The following NEGR1 variants were observed in gnomAD, a reference collection of about 807,000 sequenced individuals.
NEGR1 encodes the protein IgLON family member 4.
In NEGR1, 10 loss-of-function variants were observed where a neutral mutation model predicts 40.9. The ratio of observed to expected loss-of-function variants is 0.24; its 90% confidence interval spans 0.15 to 0.42. The LOEUF is 0.42. Ranked by LOEUF, NEGR1 falls within the 10% of genes least tolerant of loss-of-function variation. The pLI, the probability that NEGR1 is intolerant of heterozygous loss-of-function variation, is 1.00. For missense variants in NEGR1, 352 were observed against 438.9 expected (o/e 0.80, Z 1.77); for synonymous variants, 185 against 166.8 (o/e 1.11, Z -0.84).
chr1:72,143,924 TATA>T (rs1650800670), intron 1 of NEGR1, among the ~76,000 whole-genome samples: 1 of 107,578 alleles, frequency 9.3e-6, no homozygotes, highest in African/African-American at 3.0e-5. Context: ...AATATATATA[TATA>T]TATATATATA....
intron 2 of NEGR1, among the ~76,000 whole-genome samples, chr1:71,882,833 G>A (rs529594346): frequency 6.6e-6 from 1 of 151,652 alleles, no homozygotes; most frequent in East Asian, 1.9e-4. Flanking sequence ...ACCATTTACT[G>A]GCTATGTGAT....
intron 1 of NEGR1, among the ~76,000 whole-genome samples, chr1:72,047,428 A>G (rs1647012636): frequency 1.3e-5 from 2 of 151,498 alleles, no homozygotes; most frequent in Non-Finnish European, 1.5e-5. Flanking sequence ...TGTACTTAAT[A>G]CAGGGTATTT....
intron 1 of NEGR1, among the ~76,000 whole-genome samples, chr1:72,115,185 C>A (rs577953244): frequency 1.3e-5 from 2 of 149,770 alleles, no homozygotes; most frequent in Admixed American, 6.7e-5. Context: ...GTGAAAAATG[C>A]GTTAATTGTG....
chr1:71,848,033 G>C (rs1659477707), intron 2 of NEGR1, among the ~76,000 whole-genome samples: 1 of 152,182 alleles, frequency 6.6e-6, no homozygotes, highest in Admixed American at 6.5e-5. Flanking sequence ...GGTCTGGATA[G>C]ATCGAATAGC....
intron 6 of NEGR1, among the ~76,000 whole-genome samples, chr1:71,572,574 T>C (rs986672638): frequency 6.6e-6 from 1 of 152,190 alleles, no homozygotes; most frequent in Non-Finnish European, 1.5e-5. Flanking sequence ...TGCTTAAGCA[T>C]TGATTTCCAG....
rs565277437 is a variant in NEGR1, at chr1:71,930,070, C to T, written c.409+5009G>A. On this transcript the variant is annotated intron_variant, in intron 2 of 6. Transcript: ENST00000357731. Reference sequence around the variant, plus strand: ...GAGTTTTGCCTAAGAAGGATAGGTTCTAAAATTTATTCATAGATTAAGGTG... The same window carrying T: ...GAGTTTTGCCTAAGAAGGATAGGTTTTAAAATTTATTCATAGATTAAGGTG... Among the ~76,000 whole-genome samples the T allele has an allele frequency of 5.3e-5, 8 of 152,172 alleles. No individual in the cohort carries two copies. In the South Asian group the frequency reaches 1.5e-3, roughly 28 times the overall value.
intron 6 of NEGR1, among the ~76,000 whole-genome samples, chr1:71,445,708 C>A (rs1335645633): frequency 6.6e-6 from 1 of 152,118 alleles, no homozygotes; most frequent in Non-Finnish European, 1.5e-5. Context: ...AAATAGAAAG[C>A]CCCAATATGC....
At chr1:71,751,693 G>A (rs1257988294) in intron 3 of NEGR1, among the ~76,000 whole-genome samples, 3 of 151,346 alleles carry the variant, frequency 2.0e-5, no homozygotes, top group Non-Finnish European at 2.9e-5. Flanking sequence ...CCAGGCAAAT[G>A]TGCTAACTCC....
intron 1 of NEGR1, among the ~76,000 whole-genome samples, chr1:72,189,163 CTTATT>C (rs997230270): frequency 3.3e-5 from 5 of 151,436 alleles, no homozygotes; most frequent in Non-Finnish European, 7.4e-5. Context: ...ATAAAAATCT[CTTATT>C]TTATTTTCCT....
chr1:71,636,636 A>G (rs1385837243), intron 4 of NEGR1, among the ~76,000 whole-genome samples: 3 of 152,124 alleles, frequency 2.0e-5, no homozygotes, highest in Non-Finnish European at 4.4e-5. Context: ...ATCAAATAGT[A>G]TGCTGCAGAC....
chr1:72,021,258 T>C (rs1231698361), intron 1 of NEGR1, among the ~76,000 whole-genome samples: 3 of 152,082 alleles, frequency 2.0e-5, no homozygotes, highest in Non-Finnish European at 4.4e-5. Flanking sequence ...TACTACCCTA[T>C]CAAAGTTTGA....
intron 6 of NEGR1, among the ~76,000 whole-genome samples, chr1:71,538,769 T>C (rs1245393648): frequency 6.6e-6 from 1 of 151,674 alleles, no homozygotes; most frequent in Non-Finnish European, 1.5e-5. Flanking sequence ...AAGAAATACA[T>C]GATCTGTGAA....
intron 6 of NEGR1, among the ~76,000 whole-genome samples, chr1:71,435,221 G>C (rs993562223): frequency 6.6e-6 from 1 of 152,106 alleles, no homozygotes; most frequent in Non-Finnish European, 1.5e-5. Context: ...GTTTTTATGT[G>C]GGTGCAGGCC....
chr1:71,417,771 G>T (rs140681415), intron 6 of NEGR1, among the ~76,000 whole-genome samples: 22 of 152,270 alleles, frequency 1.4e-4, no homozygotes, highest in African/African-American at 5.1e-4. Context: ...TTGAAGTGCT[G>T]ATTAAATTTT....
At chr1:71,943,804 A>C (rs952017221) in intron 1 of NEGR1, among the ~76,000 whole-genome samples, 1 of 152,166 alleles carries the variant, frequency 6.6e-6, no homozygotes, top group African/African-American at 2.4e-5. Context: ...GAGGCATGGA[A>C]ATATTTTTTA....
intron 1 of NEGR1, among the ~76,000 whole-genome samples, chr1:71,978,216 A>T (rs930686561): frequency 3.9e-5 from 6 of 151,952 alleles, no homozygotes; most frequent in African/African-American, 7.3e-5. Context: ...TGAAAATTAT[A>T]TGAGACTGAG....
At chr1:71,437,809 T>C (rs1646519474) in intron 6 of NEGR1, among the ~76,000 whole-genome samples, 1 of 152,202 alleles carries the variant, frequency 6.6e-6, no homozygotes, top group African/African-American at 2.4e-5. Flanking sequence ...GTGTCAGCAG[T>C]GCTCATGCTA....
intron 2 of NEGR1, among the ~76,000 whole-genome samples, chr1:71,904,761 A>G (rs1407822540): frequency 1.3e-5 from 2 of 152,146 alleles, no homozygotes; most frequent in Non-Finnish European, 2.9e-5. Context: ...TCTGGTATCC[A>G]GAAAGAACTC....
At chr1:72,168,109 G>A (rs577458382) in intron 1 of NEGR1, among the ~76,000 whole-genome samples, 5 of 151,842 alleles carry the variant, frequency 3.3e-5, no homozygotes, top group Admixed American at 2.0e-4. Context: ...AGGTTCAAGG[G>A]TTCAAGTGAT....
Sources: allele counts gnomAD v4.1 joint callset (sites outside exome capture counted in the v4.1 genomes callset), GRCh38; gene constraint gnomAD v4.1.1; transcripts MANE v1.5; gene names NCBI Gene and HGNC (gene_info 2026-07-23, HGNC 2026-07-21).